CPNE4: variants seen among roughly 807,000 people sequenced by gnomAD.
CPNE4 encodes copine 4, also known as copine-4.
A neutral mutation model predicts 67.9 loss-of-function variants in CPNE4; 25 were observed. That is an observed-to-expected ratio of 0.37 (90% CI 0.27 to 0.51). CPNE4 has a LOEUF of 0.51. Ranked by LOEUF, CPNE4 falls within the 20% of genes least tolerant of loss-of-function variation. The probability of loss-of-function intolerance (pLI) is 0.93; values close to 1 mark genes in which losing one functional copy is unlikely to be tolerated. For missense variants in CPNE4, 464 were observed against 690.8 expected (o/e 0.67, Z 3.68); for synonymous variants, 242 against 244.9 (o/e 0.99, Z 0.11).
chr3:131,903,193 T>C (rs1216940371), intron 2 of CPNE4, among the ~76,000 whole-genome samples: 1 of 152,132 alleles, frequency 6.6e-6, no homozygotes, highest in Non-Finnish European at 1.5e-5. Context: ...GTGAGCATAG[T>C]ATTGAAGGCT....
intron 1 of CPNE4, among the ~76,000 whole-genome samples, chr3:132,033,777 T>G (rs559863017): frequency 7.2e-5 from 11 of 152,330 alleles, no homozygotes; most frequent in Admixed American, 7.2e-4. Flanking sequence ...TAATCAGCAC[T>G]CGCTTGACTT....
rs75385354 is a variant in CPNE4, at chr3:131,543,846, A to C, written c.1303-1053T>G. Among the ~76,000 whole-genome samples, 495 of 152,330 alleles carry C rather than the reference A, an allele frequency of 3.2e-3. 2 individuals are homozygous for C. The highest frequency in any genetic ancestry group is 0.011 in the African/African-American group (452 of 41,576). On this transcript the variant is annotated intron_variant, in intron 14 of 15. Coordinates refer to ENST00000429747, the MANE Select transcript of CPNE4 (RefSeq NM_130808.3). The stretch of plus-strand genomic sequence containing the variant: ...AAGGTGGCAGCTCTTCTCCAGGCAC[A>C]CTTGCAGAAGGTTGCAGTGCTCCCA...
chr3:131,836,844 A>G (rs1195887334), intron 2 of CPNE4, among the ~76,000 whole-genome samples: 3 of 152,208 alleles, frequency 2.0e-5, no homozygotes. Flanking sequence ...GACTTGTATA[A>G]CCAGAATATA....
intron 1 of CPNE4, among the ~76,000 whole-genome samples, chr3:131,924,292 G>A (rs2070831669): frequency 6.6e-6 from 1 of 152,096 alleles, no homozygotes; most frequent in South Asian, 2.1e-4. Context: ...AAGAAGGAGT[G>A]GGAGGGATAA....
chr3:131,940,708 G>C (rs2107855656), intron 1 of CPNE4, among the ~76,000 whole-genome samples: 1 of 152,096 alleles, frequency 6.6e-6, no homozygotes, highest in South Asian at 2.1e-4. Context: ...TCTAGGATAA[G>C]GAAAATTAAA....
intron 8 of CPNE4, among the ~76,000 whole-genome samples, chr3:131,582,084 A>C (rs1380114068): frequency 6.6e-6 from 1 of 152,244 alleles, no homozygotes; most frequent in East Asian, 1.9e-4. Flanking sequence ...GGGAAGAAGA[A>C]ATCTGCAGGA....
chr3:131,924,663 G>C (rs1199384858), intron 1 of CPNE4, among the ~76,000 whole-genome samples: 1 of 152,150 alleles, frequency 6.6e-6, no homozygotes, highest in African/African-American at 2.4e-5. Flanking sequence ...AAAACCACTA[G>C]TATAGAGGTG....
chr3:131,727,909 T>A (rs2082038080), intron 2 of CPNE4, among the ~76,000 whole-genome samples: 1 of 152,268 alleles, frequency 6.6e-6, no homozygotes. Flanking sequence ...GATTTATTCA[T>A]GTGGTCCTAT....
chr3:131,580,485 C>T (rs946031526), intron 9 of CPNE4, among the ~76,000 whole-genome samples: 7 of 151,216 alleles, frequency 4.6e-5, no homozygotes, highest in Admixed American at 4.0e-4. Context: ...TGTATACACA[C>T]ACACACGCAC....
intron 2 of CPNE4, among the ~76,000 whole-genome samples, chr3:131,900,825 G>A (rs374905108): frequency 2.0e-5 from 3 of 151,970 alleles, no homozygotes; most frequent in Non-Finnish European, 2.9e-5. Flanking sequence ...CGCACAAATC[G>A]TCACTAACAA....
At chr3:131,930,318 T>C (rs2071022230) in intron 1 of CPNE4, among the ~76,000 whole-genome samples, 1 of 152,032 alleles carries the variant, frequency 6.6e-6, no homozygotes, top group African/African-American at 2.4e-5. Context: ...AAAAGGGTCA[T>C]ATAGAAGAGG....
chr3:131,951,175 G>C (rs977531143), intron 1 of CPNE4, among the ~76,000 whole-genome samples: 2 of 152,120 alleles, frequency 1.3e-5, no homozygotes, highest in African/African-American at 4.8e-5. Context: ...ATGTGTTTAA[G>C]AGATGTTTTG....
intron 1 of CPNE4, among the ~76,000 whole-genome samples, chr3:132,025,067 T>A (rs562020130): frequency 6.6e-6 from 1 of 152,316 alleles, no homozygotes; most frequent in South Asian, 2.1e-4. Flanking sequence ...GCCCATCACT[T>A]CGGGTTTTAA....
At chr3:131,665,000 G>A (rs140338485) in intron 7 of CPNE4, among the ~76,000 whole-genome samples, 57 of 152,204 alleles carry the variant, frequency 3.7e-4, no homozygotes, top group African/African-American at 1.3e-3. Context: ...GAATATCATA[G>A]GTAATTAAGG....
chr3:131,977,092 G>A (rs1362423384), intron 1 of CPNE4, among the ~76,000 whole-genome samples: 2 of 152,148 alleles, frequency 1.3e-5, no homozygotes, highest in Admixed American at 1.3e-4. Flanking sequence ...GAGCCACTGA[G>A]CCCAGCCACA....
intron 6 of CPNE4, among the ~76,000 whole-genome samples, chr3:131,685,363 G>GGTTAGAAAGGCT (rs2080864219): frequency 6.6e-6 from 1 of 151,748 alleles, no homozygotes. Context: ...TAGAAATTGG[G>GGTTAGAAAGGCT]GTTAGAAAGG....
At chr3:131,549,324 A>G (rs1042446095) in intron 14 of CPNE4, among the ~76,000 whole-genome samples, 2 of 152,182 alleles carry the variant, frequency 1.3e-5, no homozygotes, top group Non-Finnish European at 2.9e-5. Context: ...TATTCCACTA[A>G]ATCTGGAAAA....
chr3:131,876,409 G>A (rs575671264), intron 2 of CPNE4, among the ~76,000 whole-genome samples: 28 of 151,934 alleles, frequency 1.8e-4, no homozygotes, highest in African/African-American at 5.5e-4. Context: ...TTGGGAAGCC[G>A]AGGCAGGCAG....
chr3:131,939,736 T>TTA (rs2071334501), intron 1 of CPNE4, among the ~76,000 whole-genome samples: 1 of 152,122 alleles, frequency 6.6e-6, no homozygotes, highest in Non-Finnish European at 1.5e-5. Context: ...TTCTAAACAC[T>TTA]TATATATTTT....
Sources: gnomAD v4.1 joint callset for allele counts (sites outside exome capture counted in the v4.1 genomes callset) on GRCh38, gnomAD v4.1.1 for gene constraint, MANE v1.5 for transcripts, NCBI Gene and HGNC (gene_info 2026-07-23, HGNC 2026-07-21) for gene names.